DLG2: variants seen among roughly 807,000 people sequenced by gnomAD.
DLG2 encodes discs large MAGUK scaffold protein 2.
Under a neutral mutation model 132.5 loss-of-function variants are expected in DLG2, and 45 were observed. The observed-to-expected ratio is 0.34, with a 90% confidence interval of 0.27 to 0.44. The LOEUF (loss-of-function observed/expected upper bound fraction) is 0.44, where lower values mean the gene tolerates loss of function less well. DLG2 is among the 20% of genes least tolerant of loss of function. The pLI, the probability that DLG2 is intolerant of heterozygous loss-of-function variation, is 1.00. For missense variants in DLG2, 1,045 were observed against 1,196.9 expected, an observed-to-expected ratio of 0.87 and a Z score of 1.87; for synonymous variants, 424 against 419.6, an observed-to-expected ratio of 1.01 and a Z score of -0.13.
intron 4 of DLG2, among the ~76,000 whole-genome samples, chr11:85,252,054 C>A (rs2076422715): frequency 1.3e-5 from 2 of 152,014 alleles, no homozygotes; most frequent in South Asian, 4.1e-4. Context: ...TTTCCTCAGG[C>A]CAAGGCAAAG....
At chr11:83,935,914 T>C (rs2081332029) in intron 14 of DLG2, among the ~76,000 whole-genome samples, 1 of 152,152 alleles carries the variant, frequency 6.6e-6, no homozygotes, top group South Asian at 2.1e-4. Flanking sequence ...AAAGTGGGAA[T>C]AGTAATATCA....
intron 4 of DLG2, among the ~76,000 whole-genome samples, chr11:85,230,861 G>C (rs2075262472): frequency 6.6e-6 from 1 of 151,860 alleles, no homozygotes; most frequent in African/African-American, 2.4e-5. Flanking sequence ...CAGGGAGTTT[G>C]ATAGTCCCAT....
intron 4 of DLG2, among the ~76,000 whole-genome samples, chr11:85,252,474 T>C (rs1209122188): frequency 6.6e-6 from 1 of 152,116 alleles, no homozygotes; most frequent in Non-Finnish European, 1.5e-5. Flanking sequence ...TAGTCCCAGA[T>C]ACTTGGGAGG....
intron 4 of DLG2, among the ~76,000 whole-genome samples, chr11:85,282,034 A>T (rs997236117): frequency 1.3e-5 from 2 of 151,974 alleles, no homozygotes; most frequent in Non-Finnish European, 2.9e-5. Flanking sequence ...ACTAAAAAAA[A>T]AATAAATAAA....
At chr11:84,674,725 C>A (rs758125389) in intron 6 of DLG2, among the ~76,000 whole-genome samples, 35 of 152,250 alleles carry the variant, frequency 2.3e-4, no homozygotes, top group Middle Eastern at 6.8e-3. Context: ...GTACAATAGT[C>A]AGGAGTTAAG....
intron 3 of DLG2, among the ~76,000 whole-genome samples, chr11:85,464,009 C>G (rs1028385950): frequency 1.3e-5 from 2 of 150,534 alleles, no homozygotes; most frequent in African/African-American, 2.4e-5. Flanking sequence ...CACACATACA[C>G]ACACACACAC....
chr11:85,501,147 C>T (rs559552144), intron 3 of DLG2, among the ~76,000 whole-genome samples: 18 of 151,992 alleles, frequency 1.2e-4, no homozygotes, highest in East Asian at 5.8e-4. Context: ...TTGACAAACC[C>T]GACAAAAACA....
chr11:84,581,664 T>C (rs1223420199), intron 6 of DLG2, among the ~76,000 whole-genome samples: 1 of 151,978 alleles, frequency 6.6e-6, no homozygotes, highest in Non-Finnish European at 1.5e-5. Context: ...ATTCCAGCAC[T>C]TTGGGAGGCC....
intron 3 of DLG2, among the ~76,000 whole-genome samples, chr11:85,570,941 G>T (rs891497003): frequency 2.0e-5 from 3 of 151,908 alleles, no homozygotes; most frequent in African/African-American, 7.3e-5. Flanking sequence ...CAGAATTCCT[G>T]TTTGATTTCT....
Position 84,962,768 on chromosome 11 carries a change from T to C in DLG2, c.357+148893A>G, listed in dbSNP as rs962977429. On this transcript the variant is annotated intron_variant, in intron 6 of 27. Coordinates refer to ENST00000376104, the MANE Select transcript of DLG2 (RefSeq NM_001142699.3). ...ATGGCAAAAGAAATAGCAGTAGTAG[T>C]GATAAGTTGAAAGAATGTGGGAAAG... 6.2e-4 allele frequency among the ~76,000 whole-genome samples: 94 copies of C among 152,318 alleles called. 1 individual carries two copies. Among genetic ancestry groups the C allele is most frequent in the African/African-American group, 2.2e-3 (92 of 41,570 alleles).
At chr11:84,099,378 C>T (rs1246555428) in intron 9 of DLG2, among the ~76,000 whole-genome samples, 1 of 151,874 alleles carries the variant, frequency 6.6e-6, no homozygotes, top group African/African-American at 2.4e-5. Flanking sequence ...AGAGTGTCAA[C>T]TGTAAAAATT....
At chr11:84,514,902 T>C (rs1367991964) in intron 7 of DLG2, among the ~76,000 whole-genome samples, 1 of 151,970 alleles carries the variant, frequency 6.6e-6, no homozygotes, top group African/African-American at 2.4e-5. Context: ...TGCATGCCTG[T>C]ACCAAAATAT....
At chr11:85,146,850 AG>A (rs2076893633) in intron 5 of DLG2, among the ~76,000 whole-genome samples, 1 of 152,202 alleles carries the variant, frequency 6.6e-6, no homozygotes. Context: ...CTAGGACATT[AG>A]GCTACTTTAG....
intron 3 of DLG2, among the ~76,000 whole-genome samples, chr11:85,316,939 G>A (rs2080722577): frequency 2.1e-5 from 2 of 93,072 alleles, no homozygotes; most frequent in South Asian, 3.4e-4. Context: ...AATCAAAACT[G>A]TAGTAAAAGC....
intron 9 of DLG2, among the ~76,000 whole-genome samples, chr11:84,127,539 T>C (rs1472321197): frequency 6.6e-6 from 1 of 152,144 alleles, no homozygotes; most frequent in Non-Finnish European, 1.5e-5. Context: ...TTCTGGTGAT[T>C]TGTCGGTAAT....
At chr11:84,566,876 G>A (rs374636650) in intron 6 of DLG2, among the ~76,000 whole-genome samples, 4 of 152,260 alleles carry the variant, frequency 2.6e-5, no homozygotes, top group African/African-American at 9.6e-5. Context: ...AGAATGAAGA[G>A]GGTCAGCTTT....
chr11:84,484,571 T>A (rs975861480), intron 7 of DLG2, among the ~76,000 whole-genome samples: 5 of 152,152 alleles, frequency 3.3e-5, no homozygotes, highest in African/African-American at 9.7e-5. Flanking sequence ...GCTTAGAAAC[T>A]TTTTTGCATT....
chr11:83,975,324 A>T (rs1173311550), intron 12 of DLG2, among the ~76,000 whole-genome samples: 1 of 152,052 alleles, frequency 6.6e-6, no homozygotes, highest in Non-Finnish European at 1.5e-5. Context: ...CAATCCACAA[A>T]ATCCAATGTC....
At chr11:84,669,593 T>C (rs1439218858) in intron 6 of DLG2, among the ~76,000 whole-genome samples, 2 of 152,166 alleles carry the variant, frequency 1.3e-5, no homozygotes, top group East Asian at 3.9e-4. Context: ...GGAAGAACAA[T>C]ATGCTTTCAA....
Sources: gnomAD v4.1 joint callset for allele counts (sites outside exome capture counted in the v4.1 genomes callset) on GRCh38, gnomAD v4.1.1 for gene constraint, MANE v1.5 for transcripts, NCBI Gene and HGNC (gene_info 2026-07-23, HGNC 2026-07-21) for gene names.